Variants in KAT2B observed in about 807,000 individuals in gnomAD.
KAT2B encodes the protein lysine acetyltransferase 2B.
A neutral mutation model predicts 105.9 loss-of-function variants in KAT2B; 36 were observed. The observed-to-expected ratio is 0.34, with a 90% confidence interval of 0.26 to 0.45. The LOEUF (loss-of-function observed/expected upper bound fraction) is 0.45. KAT2B is among the 20% of genes least tolerant of loss of function. KAT2B has a pLI of 1.00. For missense variants in KAT2B, 820 were observed against 1,021.6 expected (o/e 0.80, Z 2.69); for synonymous variants, 397 against 377.9 (o/e 1.05, Z -0.59).
In KAT2B at chr3:20,126,069, G is replaced by A; in HGVS notation, c.1578G>A (p.Leu526=). Reference sequence around the variant, plus strand: ...TACAGAACGTTTTCTCCCACCAGCTGCCCCGAATGCCAAAAGAATACATCA... The same window carrying A: ...TACAGAACGTTTTCTCCCACCAGCTACCCCGAATGCCAAAAGAATACATCA... ...VGLQNVFSHQ[L]PRMPKEYITR... The change falls in exon 10 of 18, where the codon CTG becomes CTA. Residue 526 remains leucine, a synonymous_variant. Coordinates refer to ENST00000263754, the MANE Select transcript of KAT2B (RefSeq NM_003884.5). The A allele has an allele frequency of 6.2e-7, 1 of 1,612,882 alleles. No individual in the cohort carries two copies. The highest frequency in any genetic ancestry group is 8.5e-7 in the Non-Finnish European group (1 of 1,179,406).
chr3:20,122,841 C>T, intron 9 of KAT2B, 37 bp downstream of exon 9: 1 of 1,579,532 alleles, frequency 6.3e-7, no homozygotes, highest in Admixed American at 1.8e-5. Context: ...GCTGGTAGAC[C>T]TCTTCTGCTC....
intron 2 of KAT2B, among the ~76,000 whole-genome samples, chr3:20,092,413 A>G (rs1212752407): frequency 6.6e-6 from 1 of 151,680 alleles, no homozygotes; most frequent in Non-Finnish European, 1.5e-5. Context: ...CATTTTCAGT[A>G]GAGACGAGGT....
At chr3:20,064,027 T>G (rs1324261732) in intron 1 of KAT2B, among the ~76,000 whole-genome samples, 1 of 152,188 alleles carries the variant, frequency 6.6e-6, no homozygotes, top group Non-Finnish European at 1.5e-5. Context: ...ATTTGACCAT[T>G]ATCTGTGAGG....
chr3:20,049,016 C>T (rs1211952021), intron 1 of KAT2B, among the ~76,000 whole-genome samples: 1 of 152,168 alleles, frequency 6.6e-6, no homozygotes, highest in Non-Finnish European at 1.5e-5. Context: ...CCCCCGCCAC[C>T]ACGCCCGGCT....
intron 1 of KAT2B, among the ~76,000 whole-genome samples, chr3:20,054,402 A>G (rs566404807): frequency 6.6e-6 from 1 of 152,252 alleles, no homozygotes; most frequent in African/African-American, 2.4e-5. Context: ...GCTGGGATTG[A>G]TTACAGATGT....
intron 2 of KAT2B, among the ~76,000 whole-genome samples, chr3:20,081,093 G>C (rs1698511724): frequency 6.6e-6 from 1 of 152,102 alleles, no homozygotes; most frequent in African/African-American, 2.4e-5. Flanking sequence ...CAATTTGACA[G>C]ATTTCATTGT....
At chr3:20,118,906 A>G (rs927151991) in intron 7 of KAT2B, among the ~76,000 whole-genome samples, 7 of 151,584 alleles carry the variant, frequency 4.6e-5, no homozygotes, top group African/African-American at 1.7e-4. Context: ...TAACATAAAA[A>G]CTATAGTTTT....
chr3:20,045,904 G>T (rs2125162950), intron 1 of KAT2B, among the ~76,000 whole-genome samples: 1 of 152,314 alleles, frequency 6.6e-6, no homozygotes, highest in Non-Finnish European at 1.5e-5. Flanking sequence ...CCCATGGCAA[G>T]CCCTCAGAAG....
At chr3:20,062,390 T>G (rs192195874) in intron 1 of KAT2B, among the ~76,000 whole-genome samples, 2 of 95,900 alleles carry the variant, frequency 2.1e-5, no homozygotes, top group Non-Finnish European at 3.9e-5. Context: ...ATATATAACA[T>G]AATAAATTAT....
chr3:20,124,150 T>G (rs1699358236), intron 9 of KAT2B, among the ~76,000 whole-genome samples: 1 of 152,198 alleles, frequency 6.6e-6, no homozygotes, highest in African/African-American at 2.4e-5. Context: ...AGACTATAGT[T>G]TTTTAGGGAT....
At chr3:20,074,861 A>G (rs1698389642) in intron 2 of KAT2B, among the ~76,000 whole-genome samples, 1 of 152,200 alleles carries the variant, frequency 6.6e-6, no homozygotes, top group Non-Finnish European at 1.5e-5. Context: ...TTAACTCTGA[A>G]GTTTACCCCA....
At chr3:20,055,943 C>A (rs576980206) in intron 1 of KAT2B, among the ~76,000 whole-genome samples, 1 of 152,036 alleles carries the variant, frequency 6.6e-6, no homozygotes, top group Non-Finnish European at 1.5e-5. Flanking sequence ...GAGATTAATC[C>A]GTGGTGTTGG....
intron 11 of KAT2B, among the ~76,000 whole-genome samples, chr3:20,130,703 TAA>T (rs1699494161): frequency 1.3e-5 from 2 of 152,164 alleles, no homozygotes; most frequent in Admixed American, 1.3e-4. Flanking sequence ...TGTAATTTTC[TAA>T]AGACTTGAAG....
chr3:20,134,087 G>A (rs747429331), intron 11 of KAT2B, among the ~76,000 whole-genome samples: 1 of 152,026 alleles, frequency 6.6e-6, no homozygotes, highest in African/African-American at 2.4e-5. Context: ...ATGGTGCCTT[G>A]AAGACGTTTT....
intron 1 of KAT2B, among the ~76,000 whole-genome samples, chr3:20,053,114 A>G (rs1697944012): frequency 2.0e-5 from 3 of 152,228 alleles, no homozygotes; most frequent in African/African-American, 7.2e-5. Flanking sequence ...TTCATGGCAG[A>G]CTTGATGACA....
In KAT2B at chr3:20,152,691, T is replaced by C. The variant is rs1275989898; in HGVS notation, c.*166T>C. On this transcript the variant is annotated 3_prime_UTR_variant, in exon 18 of 18. Transcript: ENST00000263754. ...ACCTCCTTTTAGCTTTTCAGATATG[T>C]ATTTAAATTGAAGTCATAGGACATT... 1 of 512,642 alleles carries C rather than the reference T, an allele frequency of 2.0e-6. No homozygotes were observed. The highest frequency in any genetic ancestry group is 2.9e-5 in the East Asian group (1 of 34,214). The allele number at this position is 512,642 out of a possible 1,614,324, so 31.8% of individuals were successfully genotyped here.
intron 1 of KAT2B, among the ~76,000 whole-genome samples, chr3:20,064,057 A>G (rs535620227): frequency 3.9e-5 from 6 of 152,266 alleles, no homozygotes; most frequent in South Asian, 4.1e-4. Context: ...TGGGCTATCT[A>G]TTCTGTTCCA....
At chr3:20,068,336 G>A (rs1343518072) in intron 1 of KAT2B, among the ~76,000 whole-genome samples, 5 of 151,186 alleles carry the variant, frequency 3.3e-5, no homozygotes, top group Admixed American at 6.6e-5. Context: ...CCACTGCGCT[G>A]TAGCCACATT....
At chr3:20,128,509 G>T (rs542682432) in intron 11 of KAT2B, among the ~76,000 whole-genome samples, 1 of 151,624 alleles carries the variant, frequency 6.6e-6, no homozygotes, top group South Asian at 2.1e-4. Flanking sequence ...TTTTTTTGTT[G>T]CTAATTTATC....
Sources: allele counts gnomAD v4.1 joint callset (sites outside exome capture counted in the v4.1 genomes callset), GRCh38; gene constraint gnomAD v4.1.1; transcripts MANE v1.5; gene names NCBI Gene and HGNC (gene_info 2026-07-23, HGNC 2026-07-21).